The following TRPC7 variants were observed in gnomAD, a reference collection of about 807,000 sequenced individuals.
The protein encoded by TRPC7 is short transient receptor potential channel 7.
TRPC7 carries 42 observed loss-of-function variants against 90.1 expected under a neutral mutation model. The observed-to-expected ratio is 0.47, with a 90% CI of 0.36 to 0.60. The LOEUF (loss-of-function observed/expected upper bound fraction) is 0.60, where lower values mean the gene tolerates loss of function less well. Among genes scored for constraint, TRPC7 ranks in the 20% least tolerant of loss-of-function variants. TRPC7 has a pLI of 0.00. For missense variants in TRPC7, 955 were observed against 1,112.3 expected, an observed-to-expected ratio of 0.86 and a Z score of 2.01; for synonymous variants, 451 against 436.3, an observed-to-expected ratio of 1.03 and a Z score of -0.42.
chr5:136,294,514 A>G (rs1014960146), intron 3 of TRPC7, among the ~76,000 whole-genome samples: 2 of 152,208 alleles, frequency 1.3e-5, no homozygotes, highest in Non-Finnish European at 2.9e-5. Flanking sequence ...GAAGACATTT[A>G]TGCAGCCAAA....
At chr5:136,238,216 T>C (rs973508429) in intron 7 of TRPC7, among the ~76,000 whole-genome samples, 4 of 152,236 alleles carry the variant, frequency 2.6e-5, no homozygotes, top group African/African-American at 9.6e-5. Flanking sequence ...TACAGTGTCT[T>C]ACTTCCCTAG....
chr5:136,283,822 T>C (rs1757624365), intron 3 of TRPC7, among the ~76,000 whole-genome samples: 1 of 152,076 alleles, frequency 6.6e-6, no homozygotes, highest in East Asian at 1.9e-4. Context: ...GTAGACAGAG[T>C]TCTAGTTCTT....
Position 136,357,294 on chromosome 5 carries a change from T to A in TRPC7, c.94A>T (p.Met32Leu). The change falls in exon 2 of 12, where the codon ATG becomes TTG. Residue 32 changes from methionine (M) to leucine (L), a missense_variant. Physicochemically the swap from Met to Leu is conservative, Grantham distance 15. This residue lies in a region of TRPC7 where 161 missense variants were observed against 145.7 expected (regional missense o/e 1.10). Transcript: ENST00000513104. ...RRQAIRGPAY[M>L]FNEKGTSLTP... ...AGACTGGTGCCCTTCTCGTTGAACA[T>A]GTAGGCGGGACCCCGGATGGCCTGG... The A allele has an allele frequency of 6.2e-7, 1 of 1,612,096 alleles. No individual in the cohort carries two copies. The highest frequency in any genetic ancestry group is 8.5e-7 in the Non-Finnish European group (1 of 1,179,866).
intron 11 of TRPC7, 142 bp from the exon 12 acceptor site, chr5:136,213,746 G>A (rs1755168397): frequency 4.9e-6 from 4 of 816,620 alleles, no homozygotes; most frequent in Non-Finnish European, 5.7e-6. Flanking sequence ...AGGCAAGGGG[G>A]GCTCTATTTG....
intron 2 of TRPC7, among the ~76,000 whole-genome samples, chr5:136,327,539 C>T (rs1759378704): frequency 6.6e-6 from 1 of 152,074 alleles, no homozygotes; most frequent in Admixed American, 6.6e-5. Context: ...ACTGTGACTT[C>T]CATAGCATGA....
At chr5:136,325,903 G>A (rs762770658) in intron 2 of TRPC7, among the ~76,000 whole-genome samples, 2 of 152,166 alleles carry the variant, frequency 1.3e-5, no homozygotes, top group African/African-American at 4.8e-5. Flanking sequence ...AGGATCAAAG[G>A]CTACTCTCCC....
At chr5:136,264,151 G>C (rs894341272) in intron 5 of TRPC7, among the ~76,000 whole-genome samples, 1 of 152,142 alleles carries the variant, frequency 6.6e-6, no homozygotes, top group Non-Finnish European at 1.5e-5. Context: ...TACAAGTTGG[G>C]GTTCCTATAG....
intron 2 of TRPC7, among the ~76,000 whole-genome samples, chr5:136,355,626 G>A (rs1490023515): frequency 6.6e-6 from 1 of 152,026 alleles, no homozygotes; most frequent in East Asian, 1.9e-4. Flanking sequence ...GTGAAACCCC[G>A]TCTCTACTAA....
chr5:136,364,654 A>T (rs1178141820), intron 1 of TRPC7, among the ~76,000 whole-genome samples: 2 of 152,234 alleles, frequency 1.3e-5, no homozygotes, highest in Non-Finnish European at 2.9e-5. Flanking sequence ...TGAATTTACA[A>T]CTTCAAACTT....
At chr5:136,360,284 T>TACAAAACAAAACAAAACAAA (rs138394162) in intron 1 of TRPC7, among the ~76,000 whole-genome samples, 41 of 151,472 alleles carry the variant, frequency 2.7e-4, no homozygotes, top group African/African-American at 8.8e-4. Context: ...TTCCACTCAT[T>TACAAAACAAAACAAAACAAA]ACAAAACAAA....
At chr5:136,312,110 G>A (rs1344650922) in intron 3 of TRPC7, among the ~76,000 whole-genome samples, 1 of 152,064 alleles carries the variant, frequency 6.6e-6, no homozygotes, top group East Asian at 1.9e-4. Context: ...ACTTCAATAG[G>A]CACCTCTCAG....
intron 2 of TRPC7, among the ~76,000 whole-genome samples, chr5:136,339,093 C>G (rs1759758893): frequency 6.6e-6 from 1 of 152,110 alleles, no homozygotes; most frequent in Admixed American, 6.5e-5. Flanking sequence ...GAGTCTTAGA[C>G]TATGCAAATG....
intron 3 of TRPC7, among the ~76,000 whole-genome samples, chr5:136,301,184 G>A (rs1580924255): frequency 6.6e-6 from 1 of 151,938 alleles, no homozygotes; most frequent in Non-Finnish European, 1.5e-5. Context: ...ACACCACCAT[G>A]CCCAGCTAAT....
At chr5:136,315,884 A>C in intron 2 of TRPC7, 105 bp from the exon 3 acceptor site, 1 of 1,126,300 alleles carries the variant, frequency 8.9e-7, no homozygotes, top group Non-Finnish European at 1.3e-6. Flanking sequence ...ATGTGACCTT[A>C]TGGAGCACAT....
chr5:136,328,837 C>T (rs76297475), intron 2 of TRPC7, among the ~76,000 whole-genome samples: 3 of 152,350 alleles, frequency 2.0e-5, no homozygotes, highest in Non-Finnish European at 4.4e-5. Context: ...GCTGGCAAAC[C>T]TCCTCATTGG....
At chr5:136,328,396 C>A (rs1759406344) in intron 2 of TRPC7, among the ~76,000 whole-genome samples, 4 of 152,204 alleles carry the variant, frequency 2.6e-5, no homozygotes, top group Admixed American at 1.3e-4. Flanking sequence ...CAAACATACT[C>A]CCTGCTTTTC....
In TRPC7 at chr5:136,247,626, C is replaced by T. The variant is rs887780934; in HGVS notation, c.1689G>A (p.Glu563=). 1 of 1,614,018 alleles carries T rather than the reference C, an allele frequency of 6.2e-7. No homozygotes were observed. Among genetic ancestry groups the T allele is most frequent in the Middle Eastern group, 1.6e-4 (1 of 6,062 alleles). ...GCGAGATCTGCAGGGGCCCAAAACTCTCGTTGGCTGGCAGAATGTATGCAA... is the reference window on the plus strand; with the variant it reads ...GCGAGATCTGCAGGGGCCCAAAACTTTCGTTGGCTGGCAGAATGTATGCAA... ...SRIAYILPAN[E]SFGPLQISLG... The change falls in exon 7 of 12, where the codon GAG becomes GAA. Residue 563 remains glutamate, a synonymous_variant. Transcript: ENST00000513104. This position sits in a 1 kb window ranked among gnomAD's most constrained non-coding sequence, Gnocchi z 4.2.
chr5:136,308,136 A>T (rs893824415), intron 3 of TRPC7, among the ~76,000 whole-genome samples: 5 of 152,198 alleles, frequency 3.3e-5, no homozygotes, highest in Non-Finnish European at 5.9e-5. Flanking sequence ...ATCACAATCC[A>T]TATTTACATA....
chr5:136,283,886 A>G (rs1405846545), intron 3 of TRPC7, among the ~76,000 whole-genome samples: 1 of 152,168 alleles, frequency 6.6e-6, no homozygotes, highest in Non-Finnish European at 1.5e-5. Flanking sequence ...ATCAATGGAC[A>G]TCTACTCTCC....
Sources: gnomAD v4.1 joint callset for allele counts (sites outside exome capture counted in the v4.1 genomes callset) on GRCh38, gnomAD v4.1.1 for gene constraint, gnomAD v4.1.1 regional missense constraint, Gnocchi (gnomAD v3.1) non-coding constraint, MANE v1.5 for transcripts, NCBI Gene and HGNC (gene_info 2026-07-23, HGNC 2026-07-21) for gene names.